Variants in ANKMY1 observed in about 807,000 individuals in gnomAD.
ANKMY1 encodes ankyrin repeat and MYND domain containing 1, also known as ankyrin repeat and MYND domain-containing protein 1.
ANKMY1 carries 98 observed loss-of-function variants against 102.0 expected under a neutral mutation model. That is an observed-to-expected ratio of 0.96 (90% CI 0.82 to 1.14). The LOEUF (loss-of-function observed/expected upper bound fraction) is 1.14, where lower values mean the gene tolerates loss of function less well. Among genes scored for constraint, ANKMY1 ranks in the 50% most tolerant of loss-of-function variants. ANKMY1 has a pLI of 0.00. For synonymous variants in ANKMY1, 582 were observed against 559.9 expected (o/e 1.04, Z -0.56); for missense variants, 1,330 against 1,347.6 (o/e 0.99, Z 0.20).
chr2:240,523,690 C>A (rs2082765617), intron 8 of ANKMY1, 195 bp downstream of exon 8: 1 of 918,390 alleles, frequency 1.1e-6, no homozygotes, highest in Admixed American at 2.9e-5. Context: ...GCACTGAAAA[C>A]AGCCCGTCAC....
chr2:240,507,077 G>C (rs531578843), intron 13 of ANKMY1, among the ~76,000 whole-genome samples: 3 of 151,918 alleles, frequency 2.0e-5, no homozygotes, highest in Non-Finnish European at 4.4e-5. Flanking sequence ...TGTTTTCACC[G>C]AGACAAATTT....
chr2:240,543,959 A>T lies in ANKMY1; in HGVS notation c.480+8955T>A, dbSNP rs181448013. On this transcript the variant is annotated intron_variant, in intron 4 of 17. Coordinates refer to ENST00000401804, the MANE Select transcript of ANKMY1 (RefSeq NM_001282771.3). ...GTTTCACTAAAATGTAAGGTTACTA[A>T]GAATAAAAGTTGTAGTTAATTATAA... is the stretch of plus-strand genomic sequence containing the variant. 3.0e-3 allele frequency among the ~76,000 whole-genome samples: 464 copies of T among 152,308 alleles called. 1 individual carries two copies. Among genetic ancestry groups the T allele is most frequent in the African/African-American group, 9.5e-3 (397 of 41,580 alleles).
intron 4 of ANKMY1, among the ~76,000 whole-genome samples, chr2:240,535,686 T>A (rs2086557354): frequency 6.6e-6 from 1 of 152,184 alleles, no homozygotes. Flanking sequence ...ACAAAACCCA[T>A]CTGGTAAGAA....
intron 5 of ANKMY1, chr2:240,526,792 C>G (rs890486147): frequency 8.1e-7 from 1 of 1,234,436 alleles, no homozygotes; most frequent in Non-Finnish European, 1.0e-6. Context: ...AGGATGGAGA[C>G]CAACATACAT....
chr2:240,561,017 C>T (rs1264819837), upstream of ANKMY1: 5 of 1,534,350 alleles, frequency 3.3e-6, no homozygotes, highest in East Asian at 4.9e-5. Flanking sequence ...GCCGCTCGGC[C>T]GCCGTCTGCA....
At chr2:240,541,252 G>A (rs932645838) in intron 4 of ANKMY1, among the ~76,000 whole-genome samples, 1 of 152,092 alleles carries the variant, frequency 6.6e-6, no homozygotes, top group Non-Finnish European at 1.5e-5. Flanking sequence ...TGTTTGCAGG[G>A]TGACCAAGCC....
At chr2:240,514,782 C>T (rs4676434) in intron 9 of ANKMY1, among the ~76,000 whole-genome samples, 17,501 of 152,212 alleles carry the variant, frequency 0.11, 1,076 homozygotes, top group African/African-American at 0.14. Flanking sequence ...GCCACAACTG[C>T]GCAGCATGGT....
In ANKMY1 at chr2:240,524,077, C is replaced by T. The variant is rs141092642; in HGVS notation, c.1640G>A (p.Arg547Gln). 577 of 1,614,050 alleles carry T rather than the reference C, an allele frequency of 3.6e-4. 3 individuals are homozygous for T. In the African/African-American group the frequency reaches 5.1e-3, roughly 14 times the overall value. Reference sequence around the variant, plus strand: ...CGTCTCAGCACTGCACAGACTGCCCCGGTCTGTGTTTCCCAACACGTCCTC... The same window carrying T: ...CGTCTCAGCACTGCACAGACTGCCCTGGTCTGTGTTTCCCAACACGTCCTC... ...GLEDVLGNTD[R>Q]GSLCSAETKF... The change falls in exon 8 of 18, where the codon CGG becomes CAG. Residue 547 changes from arginine (R) to glutamine (Q), a missense_variant. Coordinates refer to ENST00000401804, the MANE Select transcript of ANKMY1 (RefSeq NM_001282771.3).
At chr2:240,512,255 C>T (rs1259186631) in intron 10 of ANKMY1, among the ~76,000 whole-genome samples, 3 of 152,182 alleles carry the variant, frequency 2.0e-5, no homozygotes, top group Admixed American at 6.5e-5. Flanking sequence ...GGGTGAGCTG[C>T]GCACACCATG....
upstream of ANKMY1, chr2:240,560,656 G>A (rs2092899017): frequency 1.3e-6 from 2 of 1,486,666 alleles, no homozygotes; most frequent in Non-Finnish European, 8.8e-7. Flanking sequence ...GATCCTCAGG[G>A]CCCAAAAGCA....
intron 10 of ANKMY1, 118 bp downstream of exon 10, chr2:240,512,684 G>A (rs2080446649): frequency 2.2e-6 from 3 of 1,335,496 alleles, no homozygotes; most frequent in Non-Finnish European, 3.0e-6. Context: ...CCACTGCCCA[G>A]GCCCCAAGCC....
downstream of ANKMY1, among the ~76,000 whole-genome samples, chr2:240,475,219 T>G (rs1187782948): frequency 1.3e-5 from 2 of 152,228 alleles, no homozygotes; most frequent in African/African-American, 4.8e-5. Flanking sequence ...TACATATGTC[T>G]TCTTTTGAAG....
intron 5 of ANKMY1, 24 bp from the exon 6 acceptor site, chr2:240,526,469 G>A: frequency 6.2e-7 from 1 of 1,613,732 alleles, no homozygotes; most frequent in Non-Finnish European, 8.5e-7. Flanking sequence ...AAGTTTCAGT[G>A]GTCCTAGACC....
rs954150045 is a variant in ANKMY1 at position 240,507,000 on chromosome 2, G to A, written c.2526+560C>T. Among the ~76,000 whole-genome samples, 27 of 152,024 alleles carry A rather than the reference G, an allele frequency of 1.8e-4. No individual in the cohort carries two copies. The highest frequency in any genetic ancestry group is 5.8e-4 in the African/African-American group (24 of 41,390). ...CCCCAAACCCCCGCCCAGCAGCTGC[G>A]TGGACCACTGAGAAAGCCAGAATTG... On this transcript the variant is annotated intron_variant, in intron 13 of 17. Transcript: ENST00000401804. This position sits in a 1 kb window ranked among gnomAD's most constrained non-coding sequence, Gnocchi z 4.9.
chr2:240,554,812 G>A, intron 3 of ANKMY1, 54 bp downstream of exon 3: 3 of 1,595,940 alleles, frequency 1.9e-6, no homozygotes, highest in South Asian at 1.1e-5. Context: ...AAGGATAAAG[G>A]CCAGCCACCA....
intron 2 of ANKMY1, among the ~76,000 whole-genome samples, chr2:240,556,089 CTG>C (rs1276961473): frequency 2.6e-5 from 4 of 152,178 alleles, no homozygotes; most frequent in Non-Finnish European, 5.9e-5. Context: ...TGGGGGAACT[CTG>C]GGCTCTTCTG....
intron 16 of ANKMY1, among the ~76,000 whole-genome samples, chr2:240,481,707 AGAGT>A (rs1352047363): frequency 6.6e-6 from 1 of 152,202 alleles, no homozygotes; most frequent in African/African-American, 2.4e-5. Context: ...CTGGAACAGC[AGAGT>A]GAGTGCAGGG....
chr2:240,513,210 C>T (rs1050377983), intron 9 of ANKMY1, among the ~76,000 whole-genome samples: 2 of 152,182 alleles, frequency 1.3e-5, no homozygotes, highest in African/African-American at 4.8e-5. Flanking sequence ...CACCCTGAAC[C>T]AGTGTGATTT....
At chr2:240,521,056 C>G (rs2082143913) in intron 8 of ANKMY1, among the ~76,000 whole-genome samples, 1 of 152,152 alleles carries the variant, frequency 6.6e-6, no homozygotes, top group Non-Finnish European at 1.5e-5. Flanking sequence ...TAAACTGTGC[C>G]TCCAGAGAAA....
Sources: gnomAD v4.1 joint callset for allele counts (sites outside exome capture counted in the v4.1 genomes callset) on GRCh38, gnomAD v4.1.1 for gene constraint, Gnocchi (gnomAD v3.1) non-coding constraint, MANE v1.5 for transcripts, NCBI Gene and HGNC (gene_info 2026-07-23, HGNC 2026-07-21) for gene names.